The following COG3 variants were observed in gnomAD, a reference collection of about 807,000 sequenced individuals.
COG3 encodes component of oligomeric golgi complex 3.
COG3 carries 32 observed loss-of-function variants against 114.1 expected under a neutral mutation model. The ratio of observed to expected loss-of-function variants is 0.28; its 90% CI spans 0.21 to 0.38. The LOEUF is 0.38. COG3 is among the 10% of genes least tolerant of loss of function. The pLI is 1.00. For missense variants in COG3, 813 were observed against 973.2 expected (o/e 0.84, Z 2.19); for synonymous variants, 352 against 365.7 (o/e 0.96, Z 0.43).
At chr13:45,527,712 A>G (rs930680695) in intron 20 of COG3, among the ~76,000 whole-genome samples, 1 of 152,170 alleles carries the variant, frequency 6.6e-6, no homozygotes, top group Non-Finnish European at 1.5e-5. Context: ...AGGACACTTT[A>G]GTCACCAGCC....
intron 13 of COG3, among the ~76,000 whole-genome samples, chr13:45,498,565 A>G (rs1439743873): frequency 2.6e-5 from 4 of 152,064 alleles, no homozygotes; most frequent in African/African-American, 9.6e-5. Flanking sequence ...TCATTTATTG[A>G]AAAGGCTATT....
chr13:45,525,036 C>T lies in COG3; in HGVS notation c.2215C>T (p.Pro739Ser), dbSNP rs144497765. ...GGPKYTLSQQ[P>S]WAQPAKVNDL... is the part of the protein sequence containing the mutation. ...CCCCAAGTATACTCTCTCACAGCAG[C>T]CTTGGGCACAACCAGGTATTCTGAT... Residue 739 changes from proline (P) to serine (S), a missense_variant, in exon 20 of 23, where the codon CCT becomes TCT. This residue lies in a region of COG3 where 389 missense variants were observed against 542.6 expected (regional missense o/e 0.72). Transcript: ENST00000349995. The T allele has an allele frequency of 5.8e-4, 931 of 1,613,624 alleles. 3 individuals carry two copies. Among genetic ancestry groups the T allele is most frequent in the Middle Eastern group, 1.3e-3 (8 of 6,060 alleles).
chr13:45,472,127 G>C (rs1211731530), intron 1 of COG3, among the ~76,000 whole-genome samples: 1 of 149,672 alleles, frequency 6.7e-6, no homozygotes, highest in East Asian at 2.0e-4. Context: ...TTTTCTTTTG[G>C]CACTTTAAAG....
chr13:45,511,843 A>C lies in COG3; in HGVS notation c.1798A>C (p.Ser600Arg). Reference protein sequence around the residue: ...QSLLGASESISKNKTQIDGQL... With the variant: ...QSLLGASESIRKNKTQIDGQL... ...CTTACTTGGAGCGTCAGAGTCTATC[A>C]GCAAAAACAAGGTTTGATGAAGTGT... The change falls in exon 16 of 23, where the codon AGC (serine) becomes CGC (arginine). Residue 600 changes from serine (S) to arginine (R), a missense_variant. Ser to Arg is a moderately radical substitution (Grantham distance 110). This residue lies in a region of COG3 where 389 missense variants were observed against 542.6 expected (regional missense o/e 0.72). Transcript: ENST00000349995. 3.1e-6 allele frequency: 5 copies of C among 1,612,934 alleles called. No homozygotes were observed. Among genetic ancestry groups the C allele is most frequent in the Non-Finnish European group, 4.2e-6 (5 of 1,178,906 alleles).
At chr13:45,494,740 G>T in intron 12 of COG3, among the ~76,000 whole-genome samples, 1 of 152,052 alleles carries the variant, frequency 6.6e-6, no homozygotes, top group East Asian at 1.9e-4. Context: ...TGCCCAGGCC[G>T]GTCTTGAGCT....
intron 22 of COG3, among the ~76,000 whole-genome samples, chr13:45,534,320 T>G (rs1873408887): frequency 6.6e-6 from 1 of 152,212 alleles, no homozygotes; most frequent in Non-Finnish European, 1.5e-5. Flanking sequence ...AGTGATTTGA[T>G]GGCCTAGGTT....
chr13:45,482,482 G>C lies in COG3; in HGVS notation c.717+9G>C. The C allele has an allele frequency of 7.7e-7, 1 of 1,291,082 alleles. No individual in the cohort carries two copies. Among genetic ancestry groups the C allele is most frequent in the South Asian group, 1.3e-5 (1 of 77,176 alleles). 80.0% of individuals were successfully genotyped at this position (1,291,082 alleles called of 1,614,324 possible). On this transcript the variant is annotated intron_variant, in intron 6 of 22. Transcript: ENST00000349995. The stretch of plus-strand genomic sequence containing the variant: ...CATATATCTCATCTCATGTAAGTCA[G>C]AGTATTTTTGCATGTTTTAAAGAAA...
intron 13 of COG3, 100 bp downstream of exon 13, chr13:45,496,412 G>T (rs1466101485): frequency 1.1e-6 from 1 of 920,498 alleles, no homozygotes; most frequent in Non-Finnish European, 1.4e-6. Context: ...TAGAGACAGG[G>T]TTTCCCCTTG....
At chr13:45,500,057 T>TGA (rs71074706) in intron 13 of COG3, among the ~76,000 whole-genome samples, 39 of 108,240 alleles carry the variant, frequency 3.6e-4, no homozygotes, top group East Asian at 9.7e-4. Flanking sequence ...TGTGTGTGTG[T>TGA]GTGTGTGTGA....
At chr13:45,533,920 G>A (rs540019638) in intron 22 of COG3, among the ~76,000 whole-genome samples, 36 of 152,288 alleles carry the variant, frequency 2.4e-4, no homozygotes, top group South Asian at 4.1e-4. Flanking sequence ...AAATGACATC[G>A]GGGTGATGAT....
chr13:45,509,892 A>G (rs929624139), intron 15 of COG3, 76 bp downstream of exon 15: 21 of 1,383,616 alleles, frequency 1.5e-5, no homozygotes, highest in African/African-American at 4.3e-5. Context: ...AGATCTTGAT[A>G]AAGTATTTTG....
intron 20 of COG3, among the ~76,000 whole-genome samples, chr13:45,526,447 A>T (rs2985985): frequency 6.6e-6 from 1 of 151,944 alleles, no homozygotes; most frequent in South Asian, 2.1e-4. Flanking sequence ...AATTAGAAGA[A>T]TAGCTATGTA....
Position 45,509,042 on chromosome 13 carries a change from C to CT in COG3, c.1595-635dup, listed in dbSNP as rs35234559. Among the ~76,000 whole-genome samples, 809 of 143,058 alleles carry CT rather than the reference C, an allele frequency of 5.7e-3. 23 individuals carry two copies. The East Asian group carries it at 0.096, about 17-fold the overall frequency. 93.9% of individuals were successfully genotyped at this position (143,058 alleles called of 152,430 possible). A position where few individuals can be genotyped will look rare whatever the true frequency, so the allele number is the denominator to read the frequency against. On this transcript the variant is annotated intron_variant, in intron 14 of 22. Coordinates refer to ENST00000349995, the MANE Select transcript of COG3 (RefSeq NM_031431.4). ...TCATGACTACATAGAGATCTGCTTC[C>CT]TTTTTTTTTTTTTTTGAGACGGAGT...
chr13:45,482,519 C>T, intron 6 of COG3, 46 bp downstream of exon 6: 1 of 893,828 alleles, frequency 1.1e-6, no homozygotes, highest in South Asian at 1.5e-5. Flanking sequence ...CCTTAGATTC[C>T]TATTCCTGTT....
At chr13:45,468,371 C>T (rs908925520) in intron 1 of COG3, among the ~76,000 whole-genome samples, 10 of 152,136 alleles carry the variant, frequency 6.6e-5, no homozygotes, top group African/African-American at 1.9e-4. Context: ...TGCTTTCTTT[C>T]AAATTATTAA....
rs773675005 is a variant in COG3, at chr13:45,482,419, A to T, written c.663A>T (p.Gly221=). Residue 221 remains glycine (G), a synonymous_variant, in exon 6 of 23, where the codon GGA becomes GGT. Coordinates refer to ENST00000349995, the MANE Select transcript of COG3 (RefSeq NM_031431.4). ...NSPTLSVNSD[G]FIPMLAKLDD... ...CTACATTGTCGGTGAATAGTGACGG[A>T]TTTATACCTATGCTGGCCAAGTTAG... 1.3e-6 allele frequency: 2 copies of T among 1,578,266 alleles called. No individual in the cohort carries two copies. Among genetic ancestry groups the T allele is most frequent in the South Asian group, 2.2e-5 (2 of 89,136 alleles).
intron 2 of COG3, 54 bp downstream of exon 2, chr13:45,476,401 C>G: frequency 1.3e-6 from 2 of 1,539,508 alleles, no homozygotes; most frequent in Non-Finnish European, 1.8e-6. Flanking sequence ...TGTCTGAAGA[C>G]AAGGCTAATA....
intron 8 of COG3, among the ~76,000 whole-genome samples, 173 bp downstream of exon 8, chr13:45,486,748 T>G (rs1886693902): frequency 6.6e-6 from 1 of 152,208 alleles, no homozygotes; most frequent in Non-Finnish European, 1.5e-5. Context: ...CTAGGTTCTT[T>G]AAGTCCACAG....
chr13:45,486,847 C>T (rs936133520), intron 8 of COG3, among the ~76,000 whole-genome samples: 1 of 152,048 alleles, frequency 6.6e-6, no homozygotes, highest in Non-Finnish European at 1.5e-5. Flanking sequence ...GGCTGGTGGT[C>T]TTGAAGGGAC....
Sources: gnomAD v4.1 joint callset for allele counts (sites outside exome capture counted in the v4.1 genomes callset) on GRCh38, gnomAD v4.1.1 for gene constraint, gnomAD v4.1.1 regional missense constraint, MANE v1.5 for transcripts, NCBI Gene and HGNC (gene_info 2026-07-23, HGNC 2026-07-21) for gene names.